The following PTP4A1 variants were observed in gnomAD, a reference collection of about 807,000 sequenced individuals.
PTP4A1 encodes protein tyrosine phosphatase 4A1.
A neutral mutation model predicts 20.5 loss-of-function variants in PTP4A1; 9 were observed. The observed-to-expected ratio is 0.44, with a 90% CI of 0.26 to 0.77. The LOEUF (loss-of-function observed/expected upper bound fraction) is 0.77, where lower values mean the gene tolerates loss of function less well. Ranked by LOEUF, PTP4A1 falls within the 30% of genes least tolerant of loss-of-function variation. The probability of loss-of-function intolerance (pLI) is 0.19; values close to 1 mark genes in which losing one functional copy is unlikely to be tolerated. For synonymous variants in PTP4A1, 78 were observed against 67.4 expected, an observed-to-expected ratio of 1.16 and a Z score of -0.77; for missense variants, 137 against 218.8, an observed-to-expected ratio of 0.63 and a Z score of 2.36.
chr6:63,539,290 T>G (rs1775851687), intron 2 of PTP4A1, among the ~76,000 whole-genome samples: 1 of 152,176 alleles, frequency 6.6e-6, no homozygotes, highest in Non-Finnish European at 1.5e-5. Context: ...TAAAGAGTAA[T>G]TCAATAAGTA....
chr6:63,539,016 C>G (rs899035139), intron 2 of PTP4A1, among the ~76,000 whole-genome samples: 7 of 152,106 alleles, frequency 4.6e-5, no homozygotes, highest in African/African-American at 1.7e-4. Context: ...CCTCAGCTTC[C>G]CACATAGCTG....
intron 1 of PTP4A1, among the ~76,000 whole-genome samples, chr6:63,525,538 C>T (rs1775123628): frequency 6.6e-6 from 1 of 152,224 alleles, no homozygotes; most frequent in African/African-American, 2.4e-5. Context: ...GTTCATGCCA[C>T]TCTCTCAGAG....
At chr6:63,542,299 T>C (rs2149484641) in intron 2 of PTP4A1, among the ~76,000 whole-genome samples, 1 of 151,988 alleles carries the variant, frequency 6.6e-6, no homozygotes, top group East Asian at 1.9e-4. Flanking sequence ...GGGTGAGGGA[T>C]GAAAGACTAC....
chr6:63,524,005 A>T (rs911000060), intron 1 of PTP4A1, among the ~76,000 whole-genome samples: 3 of 151,692 alleles, frequency 2.0e-5, no homozygotes, highest in Admixed American at 6.6e-5. Flanking sequence ...TTTTCTGGAG[A>T]CAGTCTTGCT....
chr6:63,531,224 A>T (rs933667730), intron 2 of PTP4A1, among the ~76,000 whole-genome samples: 59 of 152,272 alleles, frequency 3.9e-4, no homozygotes, highest in African/African-American at 1.3e-3. Context: ...ATGGGCAGAG[A>T]CTGTCCACCT....
chr6:63,558,121 C>T (rs966252148), intron 3 of PTP4A1, among the ~76,000 whole-genome samples: 1 of 152,044 alleles, frequency 6.6e-6, no homozygotes, highest in Admixed American at 6.6e-5. Context: ...CCACCCACCT[C>T]GGCCTCCCAA....
At chr6:63,577,973 G>C (rs1420839825) in intron 2 of PTP4A1, among the ~76,000 whole-genome samples, 1 of 128,944 alleles carries the variant, frequency 7.8e-6, no homozygotes, top group Non-Finnish European at 1.6e-5. Flanking sequence ...TTTTACTGTA[G>C]TTAAGACTTC....
chr6:63,572,350 G>C (rs1417826957), upstream of PTP4A1: 4 of 287,180 alleles, frequency 1.4e-5, no homozygotes, highest in Non-Finnish European at 2.6e-5. Context: ...CCGCCGCGGA[G>C]TGACGTCCGG....
intron 1 of PTP4A1, among the ~76,000 whole-genome samples, chr6:63,574,457 G>A (rs1402269485): frequency 6.6e-6 from 1 of 152,090 alleles, no homozygotes; most frequent in Non-Finnish European, 1.5e-5. Context: ...TCTATCGGTG[G>A]CCACCACTGC....
At chr6:63,541,694 A>G (rs1191905709) in intron 2 of PTP4A1, among the ~76,000 whole-genome samples, 1 of 152,148 alleles carries the variant, frequency 6.6e-6, no homozygotes, top group Non-Finnish European at 1.5e-5. Context: ...AGCAATCAGA[A>G]GGGCAAGCCC....
At chr6:63,565,922 G>A (rs958650847) in intron 3 of PTP4A1, among the ~76,000 whole-genome samples, 1 of 152,218 alleles carries the variant, frequency 6.6e-6, no homozygotes, top group Non-Finnish European at 1.5e-5. Context: ...CAAATTATAT[G>A]TTCATAGAGA....
chr6:63,578,018 T>C (rs1245337244), intron 2 of PTP4A1, among the ~76,000 whole-genome samples: 1 of 151,942 alleles, frequency 6.6e-6, no homozygotes, highest in African/African-American at 2.4e-5. Context: ...AAGGAGTGAG[T>C]ATAATTGAGT....
chr6:63,525,704 C>T (rs1044204720), intron 1 of PTP4A1, among the ~76,000 whole-genome samples: 1 of 152,164 alleles, frequency 6.6e-6, no homozygotes, highest in Non-Finnish European at 1.5e-5. Flanking sequence ...TTTCACCTTT[C>T]CCCCCAGGCC....
At chr6:63,524,986 A>T (rs1390486970) in intron 1 of PTP4A1, among the ~76,000 whole-genome samples, 2 of 152,214 alleles carry the variant, frequency 1.3e-5, no homozygotes, top group Non-Finnish European at 2.9e-5. Context: ...TAACTCCTAA[A>T]TTAGTGGAGT....
At chr6:63,579,152 G>A (rs986990121) in intron 4 of PTP4A1, 105 bp from the exon 5 acceptor site, 32 of 1,373,442 alleles carry the variant, frequency 2.3e-5, no homozygotes, top group East Asian at 9.9e-5. Context: ...TACTTAAATA[G>A]GAAGGGTGGT....
At chr6:63,577,022 G>T in intron 2 of PTP4A1, 37 bp downstream of exon 2, 1 of 1,508,354 alleles carries the variant, frequency 6.6e-7, no homozygotes. Flanking sequence ...TAAATTGATT[G>T]CAATATAATA....
chr6:63,537,041 AATTAAAT>A (rs1457043970), intron 2 of PTP4A1, among the ~76,000 whole-genome samples: 3 of 152,094 alleles, frequency 2.0e-5, no homozygotes, highest in Non-Finnish European at 2.9e-5. Context: ...TTAAAATTAA[AATTAAAT>A]ATTTGTTAAA....
At chr6:63,543,057 T>C (rs890933631) in intron 2 of PTP4A1, among the ~76,000 whole-genome samples, 1 of 152,202 alleles carries the variant, frequency 6.6e-6, no homozygotes, top group Admixed American at 6.5e-5. Context: ...CAATCTTTTT[T>C]CAACTATATC....
chr6:63,575,748 T>C (rs577259556), intron 1 of PTP4A1, among the ~76,000 whole-genome samples: 4 of 152,184 alleles, frequency 2.6e-5, no homozygotes, highest in Non-Finnish European at 4.4e-5. Context: ...TACATTCTTA[T>C]GATATTTCAC....
Sources: allele counts gnomAD v4.1 joint callset (sites outside exome capture counted in the v4.1 genomes callset), GRCh38; gene constraint gnomAD v4.1.1; transcripts MANE v1.5; gene names NCBI Gene and HGNC (gene_info 2026-07-23, HGNC 2026-07-21).